The following SI variants were observed in gnomAD, a reference collection of about 807,000 sequenced individuals.
SI encodes the protein sucrase-isomaltase, intestinal.
A neutral mutation model predicts 253.3 loss-of-function variants in SI; 235 were observed. The ratio of observed to expected loss-of-function variants is 0.93; its 90% CI spans 0.83 to 1.03. SI has a LOEUF of 1.03. Among genes scored for constraint, SI ranks in the 50% least tolerant of loss-of-function variants. The probability of loss-of-function intolerance (pLI) is 0.00; values close to 1 mark genes in which losing one functional copy is unlikely to be tolerated. For missense variants in SI, 2,442 were observed against 2,211.1 expected, an observed-to-expected ratio of 1.10 and a Z score of -2.09; for synonymous variants, 819 against 712.0, an observed-to-expected ratio of 1.15 and a Z score of -2.39.
intron 44 of SI, among the ~76,000 whole-genome samples, chr3:164,989,097 A>C (rs1185086521): frequency 1.3e-5 from 2 of 149,366 alleles, no homozygotes; most frequent in Non-Finnish European, 3.0e-5. Context: ...ATAATAAATA[A>C]ATAAATAAAT....
intron 2 of SI, among the ~76,000 whole-genome samples, chr3:165,075,099 A>G (rs1714865337): frequency 6.6e-6 from 1 of 152,148 alleles, no homozygotes; most frequent in South Asian, 2.1e-4. Context: ...ATCCCTTGCA[A>G]GGGAATAATT....
chr3:165,019,641 C>G lies in SI; in HGVS notation c.3384G>C (p.Trp1128Cys). ...CTCTTGTGAACATTCCCCAAGTATT[C>G]CAGTTCAGATCTCGCTTAAATGCTG... Reference protein sequence around the residue: ...EHTAFKRDLNWNTWGMFTRDQ... With the variant: ...EHTAFKRDLNCNTWGMFTRDQ... The change falls in exon 28 of 48, where the codon TGG (tryptophan) becomes TGC (cysteine). Residue 1128 changes from tryptophan to cysteine, a missense_variant. Trp to Cys is a radical substitution (Grantham distance 215). Coordinates refer to ENST00000264382, the MANE Select transcript of SI (RefSeq NM_001041.4). The G allele has an allele frequency of 6.2e-7, 1 of 1,612,538 alleles. No individual in the cohort carries two copies. Among genetic ancestry groups the G allele is most frequent in the Non-Finnish European group, 8.5e-7 (1 of 1,179,044 alleles).
intron 14 of SI, among the ~76,000 whole-genome samples, chr3:165,049,512 C>G (rs1713320645): frequency 6.6e-6 from 1 of 152,038 alleles, no homozygotes; most frequent in Non-Finnish European, 1.5e-5. Flanking sequence ...AATAATTTAA[C>G]TTTAAAAATA....
At chr3:165,036,748 G>C (rs143499680) in intron 21 of SI, among the ~76,000 whole-genome samples, 1 of 151,540 alleles carries the variant, frequency 6.6e-6, no homozygotes, top group Non-Finnish European at 1.5e-5. Context: ...TGAGATACTT[G>C]CAAAATTGAA....
chr3:165,038,933 C>T, intron 20 of SI, 145 bp downstream of exon 20: 1 of 568,204 alleles, frequency 1.8e-6, no homozygotes, highest in South Asian at 2.8e-5. Context: ...TTTTTAAAGT[C>T]TGAAATTATT....
chr3:165,076,369 A>G (rs1714972993), intron 1 of SI, among the ~76,000 whole-genome samples: 1 of 151,456 alleles, frequency 6.6e-6, no homozygotes, highest in South Asian at 2.1e-4. Context: ...TTTGCAAGGC[A>G]AAGGCTTCCA....
At position 165,055,207 on chromosome 3, in the gene SI, T is replaced by G; in HGVS notation, c.1499A>C (p.Asp500Ala). 6.2e-7 allele frequency: 1 copy of G among 1,601,284 alleles called. No homozygotes were observed. The highest frequency in any genetic ancestry group is 1.3e-5 in the African/African-American group (1 of 74,804). ...ATAGCTACTTACAATCCAAAGTCCA[T>G]CATATTGCACTTCTTGATGGAAAAT... ...CSIFHQEVQYDGLWIDMNEVS... is the reference protein window; with the variant it reads ...CSIFHQEVQYAGLWIDMNEVS... Residue 500 changes from aspartate (D) to alanine (A), a missense_variant, in exon 13 of 48, where the codon GAT becomes GCT. Transcript: ENST00000264382.
intron 14 of SI, 125 bp downstream of exon 14, chr3:165,049,666 A>C: frequency 1.6e-6 from 1 of 642,804 alleles, no homozygotes. Flanking sequence ...AAGATAAACA[A>C]ATTGATTTTA....
At chr3:164,998,817 CTT>C (rs1718135911) in intron 37 of SI, 144 bp from the exon 38 acceptor site, 2 of 717,928 alleles carry the variant, frequency 2.8e-6, no homozygotes, top group Non-Finnish European at 4.8e-6. Context: ...ATAAGTTTGT[CTT>C]CTCTCATTAA....
chr3:165,030,943 G>T (rs1225554934), intron 24 of SI, 76 bp from the exon 25 acceptor site: 40 of 1,462,504 alleles, frequency 2.7e-5, no homozygotes, highest in Non-Finnish European at 3.2e-5. Context: ...CACTGTATCT[G>T]ATCATTGGAT....
intron 22 of SI, among the ~76,000 whole-genome samples, chr3:165,035,649 T>C (rs2108210408): frequency 6.6e-6 from 1 of 151,678 alleles, no homozygotes; most frequent in South Asian, 2.1e-4. Context: ...TATTCCTTAA[T>C]ACACCTGAGA....
the SI span, among the ~76,000 whole-genome samples, chr3:165,087,789 G>A: frequency 1.4e-3 from 216 of 152,214 alleles, 2 homozygotes; most frequent in African/African-American, 5.1e-3. Context: ...CCATAAAAAC[G>A]TGGATGGTAT....
chr3:165,046,993 G>C lies in SI; in HGVS notation c.1735C>G (p.Pro579Ala). The C allele has an allele frequency of 6.2e-7, 1 of 1,607,626 alleles. No homozygotes were observed. The highest frequency in any genetic ancestry group is 8.5e-7 in the Non-Finnish European group (1 of 1,177,210). ...GTAAGAATGAAGCTTCTCTTATTAG[G>C]AAAAACTTTTTGTACAGCTCTAAAA... Reference protein sequence around the residue: ...ATEQAVQKVFPNKRSFILTRS... With the variant: ...ATEQAVQKVFANKRSFILTRS... Residue 579 changes from proline (P) to alanine (A), a missense_variant, in exon 16 of 48, where the codon CCT becomes GCT. Transcript: ENST00000264382.
chr3:165,021,130 G>A (rs1711588326), intron 27 of SI, 99 bp downstream of exon 27: 2 of 1,030,948 alleles, frequency 1.9e-6, no homozygotes, highest in South Asian at 2.7e-5. Context: ...TTTTTTGTGT[G>A]ATGCTACTCT....
chr3:165,076,423 T>C (rs981306054), intron 1 of SI, among the ~76,000 whole-genome samples: 4 of 151,778 alleles, frequency 2.6e-5, no homozygotes, highest in Non-Finnish European at 5.9e-5. Context: ...ATGAAGGAAA[T>C]AGTTATTCAC....
At position 165,026,170 on chromosome 3, in the gene SI, C is replaced by CAGG. The variant is rs374677999; in HGVS notation, c.2893-2395_2893-2394insCCT. Among the ~76,000 whole-genome samples, 779 of 151,016 alleles carry CAGG rather than the reference C, an allele frequency of 5.2e-3. 9 individuals carry two copies. The highest frequency in any genetic ancestry group is 0.018 in the African/African-American group (743 of 41,402). On this transcript the variant is annotated intron_variant, in intron 25 of 47. Transcript: ENST00000264382. ...TTCCATGCAAATGAACACTGAAAGC[C>CAGG]AGAAGTAGCTATTTTTATATCAGAC... is the stretch of plus-strand genomic sequence containing the variant.
At position 164,991,430 on chromosome 3, in the gene SI, A is replaced by T. The variant is rs2108125862; in HGVS notation, c.5031T>A (p.Ser1677=). 6.2e-7 allele frequency: 1 copy of T among 1,613,556 alleles called. No homozygotes were observed. The highest frequency in any genetic ancestry group is 1.7e-4 in the Middle Eastern group (1 of 6,056). Residue 1677 remains serine, a synonymous_variant, in exon 44 of 48, where the codon TCT becomes TCA. Coordinates refer to ENST00000264382, the MANE Select transcript of SI (RefSeq NM_001041.4). ...VRGQFQTFNA[S]YDTINLHVRG... ...GGACATGTAGGTTTATTGTGTCATAAGAAGCATTAAATGTTTGAAATTGTC... is the reference window on the plus strand; with the variant it reads ...GGACATGTAGGTTTATTGTGTCATATGAAGCATTAAATGTTTGAAATTGTC...
At chr3:165,023,491 TA>T (rs1711736523) in intron 26 of SI, 78 bp downstream of exon 26, 1 of 990,634 alleles carries the variant, frequency 1.0e-6, no homozygotes, top group Admixed American at 1.8e-5. Context: ...AATATTACAT[TA>T]AATATCAATC....
At chr3:165,074,338 G>A in intron 3 of SI, 193 bp downstream of exon 3, 1 of 318,054 alleles carries the variant, frequency 3.1e-6, no homozygotes. Context: ...TTTAAATTGA[G>A]CAGAGATAAA....
Sources: gnomAD v4.1 joint callset for allele counts (sites outside exome capture counted in the v4.1 genomes callset) on GRCh38, gnomAD v4.1.1 for gene constraint, MANE v1.5 for transcripts, NCBI Gene and HGNC (gene_info 2026-07-23, HGNC 2026-07-21) for gene names.